The following STK32B variants were observed in gnomAD, a reference collection of about 807,000 sequenced individuals.
The protein encoded by STK32B is serine/threonine-protein kinase 32B.
In STK32B, 43 loss-of-function variants were observed where a neutral mutation model predicts 52.6. The ratio of observed to expected loss-of-function variants is 0.82; its 90% confidence interval spans 0.64 to 1.05. The LOEUF (loss-of-function observed/expected upper bound fraction) is 1.05. Ranked by LOEUF, STK32B falls within the 50% of genes least tolerant of loss-of-function variation. STK32B has a pLI of 0.00. For missense variants in STK32B, 621 were observed against 534.6 expected (o/e 1.16, Z -1.59); for synonymous variants, 238 against 204.3 (o/e 1.17, Z -1.41).
intron 1 of STK32B, among the ~76,000 whole-genome samples, chr4:5,059,728 A>G (rs1182987001): frequency 1.3e-5 from 2 of 152,266 alleles, no homozygotes; most frequent in Non-Finnish European, 2.9e-5. Context: ...AAATATCAGA[A>G]TAGAACTAAA....
At chr4:5,033,859 T>C in the STK32B span, among the ~76,000 whole-genome samples, 2 of 152,218 alleles carry the variant, frequency 1.3e-5, no homozygotes, top group Non-Finnish European at 2.9e-5. Flanking sequence ...CAACATTCTT[T>C]GTGGTAGGGG....
chr4:5,120,715 C>T (rs1182957227), intron 1 of STK32B, among the ~76,000 whole-genome samples: 17 of 151,980 alleles, frequency 1.1e-4, no homozygotes, highest in Admixed American at 1.1e-3. Context: ...GTGTTAGTGA[C>T]AAATTACAAC....
At chr4:5,211,458 A>C (rs1722897971) in intron 3 of STK32B, among the ~76,000 whole-genome samples, 1 of 152,156 alleles carries the variant, frequency 6.6e-6, no homozygotes, top group Non-Finnish European at 1.5e-5. Flanking sequence ...CAACAATGGG[A>C]TGACCAGAAG....
intron 3 of STK32B, among the ~76,000 whole-genome samples, chr4:5,265,186 T>A (rs1726981004): frequency 6.6e-6 from 1 of 152,232 alleles, no homozygotes; most frequent in African/African-American, 2.4e-5. Context: ...CTAATAAATT[T>A]CTTTGGTCCT....
At chr4:5,041,770 T>A in the STK32B span, among the ~76,000 whole-genome samples, 1 of 151,654 alleles carries the variant, frequency 6.6e-6, no homozygotes, top group Admixed American at 6.6e-5. Context: ...TGCAAACTAT[T>A]TCTTATCTTG....
At chr4:5,172,273 C>T (rs1465970898) in intron 3 of STK32B, among the ~76,000 whole-genome samples, 2 of 152,138 alleles carry the variant, frequency 1.3e-5, no homozygotes, top group African/African-American at 4.8e-5. Flanking sequence ...ATTTGACTTC[C>T]TCTTTTCCTA....
At chr4:5,285,964 A>G (rs1223405908) in intron 3 of STK32B, among the ~76,000 whole-genome samples, 4 of 152,186 alleles carry the variant, frequency 2.6e-5, no homozygotes, top group South Asian at 4.2e-4. Flanking sequence ...CCCTCATCCA[A>G]TATGACTGAT....
chr4:5,487,112 G>T (rs1313267382), intron 11 of STK32B, among the ~76,000 whole-genome samples: 1 of 152,142 alleles, frequency 6.6e-6, no homozygotes, highest in African/African-American at 2.4e-5. Flanking sequence ...CTGTAGTTAG[G>T]CTTAATTATC....
chr4:5,186,287 G>GT (rs369708313), intron 3 of STK32B, among the ~76,000 whole-genome samples: 23 of 152,334 alleles, frequency 1.5e-4, no homozygotes, highest in African/African-American at 5.3e-4. Context: ...ATCTGCTGGG[G>GT]TGTGTGTTTC....
chr4:5,281,570 C>T (rs748960647), intron 3 of STK32B, among the ~76,000 whole-genome samples: 40 of 151,980 alleles, frequency 2.6e-4, no homozygotes, highest in Non-Finnish European at 5.6e-4. Context: ...AACAAACCTG[C>T]GTGTTCTGTA....
chr4:5,178,011 G>T (rs1720058178), intron 3 of STK32B, among the ~76,000 whole-genome samples: 2 of 152,220 alleles, frequency 1.3e-5, no homozygotes, highest in Non-Finnish European at 2.9e-5. Flanking sequence ...GGAGGACAGT[G>T]GCTGTCTTCT....
chr4:5,326,094 C>A (rs1393861), intron 3 of STK32B, among the ~76,000 whole-genome samples: 18,690 of 152,054 alleles, frequency 0.12, 1,537 homozygotes, highest in African/African-American at 0.23. Flanking sequence ...GCAAGTTTCC[C>A]TCTGAAAATT....
Position 5,443,976 on chromosome 4 carries a change from G to A in STK32B, c.563-2697G>A, listed in dbSNP as rs1553890773. Among the ~76,000 whole-genome samples, 1,221 of 152,298 alleles carry A rather than the reference G, an allele frequency of 8.0e-3. 23 individuals carry two copies. Among genetic ancestry groups the A allele is most frequent in the African/African-American group, 0.027 (1,124 of 41,562 alleles). On this transcript the variant is annotated intron_variant, in intron 6 of 11. Transcript: ENST00000282908. ...TGCCAGTTCTCAGATCTCCAGCTGC[G>A]TGCTGGGAGAACCACTGCTCTCTTC...
intron 4 of STK32B, among the ~76,000 whole-genome samples, chr4:5,334,367 G>A (rs1450306412): frequency 7.3e-4 from 111 of 152,168 alleles, no homozygotes; most frequent in African/African-American, 2.6e-3. Flanking sequence ...TCAGCTTAAG[G>A]AGATTTTGGG....
chr4:5,477,095 A>C (rs568013416), intron 11 of STK32B, among the ~76,000 whole-genome samples: 1 of 152,298 alleles, frequency 6.6e-6, no homozygotes, highest in South Asian at 2.1e-4. Context: ...AGAGCAAGGA[A>C]ACAAATATAC....
chr4:5,403,670 C>T (rs532990298), intron 5 of STK32B, among the ~76,000 whole-genome samples: 1 of 152,176 alleles, frequency 6.6e-6, no homozygotes, highest in Non-Finnish European at 1.5e-5. Context: ...GATGAGTGCT[C>T]CCCAAAATGG....
At position 5,400,939 on chromosome 4, in the gene STK32B, C is replaced by T. The variant is rs1288014641; in HGVS notation, c.472+2695C>T. Among the ~76,000 whole-genome samples the T allele has an allele frequency of 2.6e-5, 4 of 151,802 alleles. No homozygotes were observed. Among genetic ancestry groups the T allele is most frequent in the Admixed American group, 6.6e-5 (1 of 15,240 alleles). On this transcript the variant is annotated intron_variant, in intron 5 of 11. Transcript: ENST00000282908. The surrounding 1 kb of genome is among the most constrained non-coding windows in gnomAD (Gnocchi z 6.1). Reference sequence around the variant, plus strand: ...GAGTGTGGGGAAGCTCAGGAGAGGTCGGGCAGAGGGGAGAGGGAAAGGTGT... The same window carrying T: ...GAGTGTGGGGAAGCTCAGGAGAGGTTGGGCAGAGGGGAGAGGGAAAGGTGT...
At chr4:5,288,839 A>T (rs993061947) in intron 3 of STK32B, among the ~76,000 whole-genome samples, 8 of 152,156 alleles carry the variant, frequency 5.3e-5, no homozygotes, top group African/African-American at 1.9e-4. Flanking sequence ...GTTCTGAAAT[A>T]ATCTGTCAGC....
chr4:5,123,937 G>A (rs188553909), intron 1 of STK32B, among the ~76,000 whole-genome samples: 14 of 152,104 alleles, frequency 9.2e-5, no homozygotes, highest in Non-Finnish European at 1.9e-4. Context: ...TGATCACTTA[G>A]TATGTGTGGG....
Sources: allele counts gnomAD v4.1 joint callset (sites outside exome capture counted in the v4.1 genomes callset), GRCh38; gene constraint gnomAD v4.1.1; non-coding constraint Gnocchi (gnomAD v3.1); transcripts MANE v1.5; gene names NCBI Gene and HGNC (gene_info 2026-07-23, HGNC 2026-07-21).